The following CPXM2 variants were observed in gnomAD, a reference collection of about 807,000 sequenced individuals.
CPXM2 encodes carboxypeptidase X, M14 family member 2.
CPXM2 carries 66 observed loss-of-function variants against 86.1 expected under a neutral mutation model. The observed-to-expected ratio is 0.77, with a 90% CI of 0.63 to 0.94. The LOEUF (loss-of-function observed/expected upper bound fraction) is 0.94, where lower values mean the gene tolerates loss of function less well. Ranked by LOEUF, CPXM2 falls within the 40% of genes least tolerant of loss-of-function variation. CPXM2 has a pLI of 0.00. For missense variants in CPXM2, 948 were observed against 1,026.3 expected, an observed-to-expected ratio of 0.92 and a Z score of 1.04; for synonymous variants, 388 against 400.2, an observed-to-expected ratio of 0.97 and a Z score of 0.36.
chr10:123,908,222 C>T (rs1234161830), intron 2 of CPXM2, among the ~76,000 whole-genome samples: 1 of 150,640 alleles, frequency 6.6e-6, no homozygotes, highest in African/African-American at 2.4e-5. Flanking sequence ...GGAGTGGCCG[C>T]AGGTGGGAAG....
chr10:123,745,777 C>T lies in CPXM2; in HGVS notation c.*987G>A, dbSNP rs1845959846. On this transcript the variant is annotated 3_prime_UTR_variant, in exon 14 of 14. Transcript: ENST00000241305. ...CCAAACTGATGCTCCACAGATAATCCTAAGAGGTTTTCATTACATTTAGCC... is the reference window on the plus strand; with the variant it reads ...CCAAACTGATGCTCCACAGATAATCTTAAGAGGTTTTCATTACATTTAGCC... 2 of 151,794 alleles carry T rather than the reference C, an allele frequency of 1.3e-5. No individual in the cohort carries two copies. Among genetic ancestry groups the T allele is most frequent in the South Asian group, 4.2e-4 (2 of 4,814 alleles). The allele number at this position is 151,794 out of a possible 1,614,324, so 9.4% of individuals were successfully genotyped here.
chr10:123,804,234 G>C (rs1467101530), intron 4 of CPXM2, among the ~76,000 whole-genome samples: 6 of 151,988 alleles, frequency 3.9e-5, no homozygotes, highest in African/African-American at 1.2e-4. Context: ...ACTATTCTTA[G>C]ATCTTTGCAG....
At chr10:123,906,939 T>C (rs1255617499) in intron 2 of CPXM2, among the ~76,000 whole-genome samples, 1 of 152,126 alleles carries the variant, frequency 6.6e-6, no homozygotes, top group East Asian at 1.9e-4. Flanking sequence ...CTTCTTCAGG[T>C]GAAATTTCCA....
chr10:123,935,691 T>A (rs188969421), intron 2 of CPXM2, among the ~76,000 whole-genome samples: 187 of 152,242 alleles, frequency 1.2e-3, no homozygotes, highest in African/African-American at 4.1e-3. Flanking sequence ...CAGACAAGGA[T>A]GCAGTCAGGG....
intron 1 of CPXM2, chr10:123,939,556 A>G (rs1014428475): frequency 6.6e-6 from 1 of 152,274 alleles, no homozygotes; most frequent in African/African-American, 2.4e-5. Flanking sequence ...AGAGAAAGGC[A>G]CACGCCCTAA....
At chr10:123,808,965 A>G (rs1031586529) in intron 4 of CPXM2, among the ~76,000 whole-genome samples, 2 of 151,880 alleles carry the variant, frequency 1.3e-5, no homozygotes, top group African/African-American at 2.4e-5. Flanking sequence ...GAAAATATTA[A>G]ATGGAAAATT....
chr10:123,843,139 A>C, intron 3 of CPXM2: 1 of 307,734 alleles, frequency 3.2e-6, no homozygotes, highest in East Asian at 9.7e-5. Context: ...TTTTTCAGAG[A>C]TGGAGTCTTG....
intron 2 of CPXM2, among the ~76,000 whole-genome samples, chr10:123,922,046 G>A (rs753434850): frequency 1.3e-5 from 2 of 152,128 alleles, no homozygotes; most frequent in Admixed American, 6.5e-5. Flanking sequence ...GACTCAACCT[G>A]AGCACAATTG....
At chr10:123,879,508 G>A (rs1020457144) in intron 2 of CPXM2, among the ~76,000 whole-genome samples, 2 of 152,088 alleles carry the variant, frequency 1.3e-5, no homozygotes, top group African/African-American at 2.4e-5. Context: ...AGTCAGGGGG[G>A]CACTAGGGGA....
intron 8 of CPXM2, 83 bp downstream of exon 8, chr10:123,770,833 T>C: frequency 7.0e-7 from 1 of 1,429,164 alleles, no homozygotes; most frequent in Non-Finnish European, 9.5e-7. Flanking sequence ...GCATGAATCT[T>C]CTCATAGGGT....
chr10:123,861,930 G>C (rs183000006), intron 3 of CPXM2, among the ~76,000 whole-genome samples: 28 of 152,362 alleles, frequency 1.8e-4, no homozygotes, highest in Admixed American at 7.2e-4. Flanking sequence ...TTGGGCAGTA[G>C]AAGTTTCAGG....
At chr10:123,848,706 A>G (rs906158795) in intron 3 of CPXM2, among the ~76,000 whole-genome samples, 2 of 152,222 alleles carry the variant, frequency 1.3e-5, no homozygotes, top group Non-Finnish European at 2.9e-5. Flanking sequence ...TTCATTTATG[A>G]GTGACCCAAT....
chr10:123,874,818 C>A (rs1189652555), intron 2 of CPXM2, among the ~76,000 whole-genome samples: 1 of 152,138 alleles, frequency 6.6e-6, no homozygotes, highest in Non-Finnish European at 1.5e-5. Flanking sequence ...TGTAAGTGGA[C>A]CAGCATGTAC....
chr10:123,748,507 A>G (rs1846011544), intron 13 of CPXM2, among the ~76,000 whole-genome samples: 1 of 152,198 alleles, frequency 6.6e-6, no homozygotes, highest in African/African-American at 2.4e-5. Context: ...CTGAGCTCAC[A>G]GGAGCACAGG....
chr10:123,854,583 T>G (rs561204499), intron 3 of CPXM2, among the ~76,000 whole-genome samples: 139 of 151,036 alleles, frequency 9.2e-4, no homozygotes, highest in Non-Finnish European at 1.7e-3. Context: ...TTTCCGGCTG[T>G]AGATAACCCA....
chr10:123,776,365 A>G (rs1846788116), intron 7 of CPXM2, among the ~76,000 whole-genome samples: 1 of 152,212 alleles, frequency 6.6e-6, no homozygotes, highest in Non-Finnish European at 1.5e-5. Context: ...ATGGAAATAA[A>G]CTTTGCATCC....
intron 2 of CPXM2, among the ~76,000 whole-genome samples, chr10:123,930,404 G>A (rs1240401251): frequency 6.6e-6 from 1 of 152,242 alleles, no homozygotes; most frequent in Non-Finnish European, 1.5e-5. Context: ...CTCCAGCTTA[G>A]TTTATCTTGG....
chr10:123,911,288 G>A (rs182282412), intron 2 of CPXM2, among the ~76,000 whole-genome samples: 53 of 152,130 alleles, frequency 3.5e-4, no homozygotes, highest in African/African-American at 1.3e-3. Flanking sequence ...CATGCACTAT[G>A]CTGGGTATGA....
intron 2 of CPXM2, among the ~76,000 whole-genome samples, chr10:123,864,322 C>T (rs141480016): frequency 1.3e-3 from 198 of 151,688 alleles, no homozygotes; most frequent in Non-Finnish European, 2.3e-3. Flanking sequence ...TCAGGCGATT[C>T]CTGGTGGCCT....
Sources: allele counts gnomAD v4.1 joint callset (sites outside exome capture counted in the v4.1 genomes callset), GRCh38; gene constraint gnomAD v4.1.1; transcripts MANE v1.5; gene names NCBI Gene and HGNC (gene_info 2026-07-23, HGNC 2026-07-21).